The following SHCBP1L variants were observed in gnomAD, a reference collection of about 807,000 sequenced individuals.
SHCBP1L encodes the protein SHC binding and spindle associated 1 like, also known as testicular spindle-associated protein SHCBP1L.
In SHCBP1L, 67 loss-of-function variants were observed where a neutral mutation model predicts 62.5. That is an observed-to-expected ratio of 1.07 (90% CI 0.88 to 1.31). SHCBP1L has a LOEUF of 1.31. Ranked by LOEUF, SHCBP1L falls within the 40% of genes most tolerant of loss-of-function variation. SHCBP1L has a pLI of 0.00. For missense variants in SHCBP1L, 823 were observed against 809.8 expected (o/e 1.02, Z -0.20); for synonymous variants, 284 against 289.4 (o/e 0.98, Z 0.19).
Position 182,940,558 on chromosome 1 carries a change from A to G in SHCBP1L, c.556-15T>C, listed in dbSNP as rs775978150. 6.3e-6 allele frequency: 10 copies of G among 1,593,346 alleles called. No individual in the cohort carries two copies. The African/African-American group carries it at 1.1e-4, about 17-fold the overall frequency. On this transcript the variant is annotated splice_polypyrimidine_tract_variant and intron_variant, in intron 2 of 9. Coordinates refer to ENST00000367547, the MANE Select transcript of SHCBP1L (RefSeq NM_030933.4). ...TCACAAGTTACCTAAGATAAATATC[A>G]TAAGAGATAAGAGATATAGTTATAA...
At chr1:182,940,571 G>A (rs1326598269) in intron 2 of SHCBP1L, 28 bp from the exon 3 acceptor site, 1 of 1,578,186 alleles carries the variant, frequency 6.3e-7, no homozygotes, top group South Asian at 1.1e-5. Context: ...AGAGATAAGA[G>A]ATATAGTTAT....
chr1:182,945,928 C>T lies in SHCBP1L; in HGVS notation c.556-5385G>A, dbSNP rs537003374. 9.9e-5 allele frequency among the ~76,000 whole-genome samples: 15 copies of T among 151,996 alleles called. No individual in the cohort carries two copies. In the South Asian group the frequency reaches 1.9e-3, roughly 19 times the overall value. On this transcript the variant is annotated intron_variant, in intron 2 of 9. Transcript: ENST00000367547. The stretch of plus-strand genomic sequence containing the variant: ...TACAAAAATTAGCTGGGTATGGTGG[C>T]GCATGCCTGCAGTCTCAGCTACTCG...
chr1:182,945,581 C>A (rs1248382366), intron 2 of SHCBP1L, among the ~76,000 whole-genome samples: 5 of 152,156 alleles, frequency 3.3e-5, no homozygotes, highest in Non-Finnish European at 7.3e-5. Flanking sequence ...CTGTAGATGA[C>A]ATCCATTAAC....
intron 2 of SHCBP1L, 61 bp downstream of exon 2, chr1:182,951,257 A>G: frequency 1.6e-6 from 2 of 1,277,230 alleles, no homozygotes; most frequent in East Asian, 2.4e-5. Flanking sequence ...TAATAAAGTC[A>G]TATTTTAGTC....
intron 1 of SHCBP1L, 117 bp from the exon 2 acceptor site, chr1:182,951,584 A>G: frequency 4.7e-6 from 3 of 636,068 alleles, no homozygotes; most frequent in Non-Finnish European, 7.1e-6. Context: ...ATAGCCTTAA[A>G]TAATGAATGA....
Position 182,899,982 on chromosome 1 carries a change from TTTAAC to T in SHCBP1L, c.1958_1962del (p.Ser653LysfsTer5). The T allele has an allele frequency of 6.3e-7, 1 of 1,598,560 alleles. No homozygotes were observed. Among genetic ancestry groups the T allele is most frequent in the Non-Finnish European group, 8.5e-7 (1 of 1,173,340 alleles). The stretch of plus-strand genomic sequence containing the variant: ...AAAACTTTAACATCAATTCAGACGC[TTTAAC>T]TTGTGACTATTCTGATATCCCCCTT... On this transcript the variant is annotated frameshift_variant and stop_lost, in exon 10 of 10. Transcript: ENST00000367547. LOFTEE classifies it high-confidence loss of function.
At chr1:182,935,744 T>A (rs574967993) in intron 5 of SHCBP1L, among the ~76,000 whole-genome samples, 2 of 152,330 alleles carry the variant, frequency 1.3e-5, no homozygotes, top group East Asian at 3.9e-4. Context: ...AAACCCTTTA[T>A]CATCATGAAA....
intron 6 of SHCBP1L, among the ~76,000 whole-genome samples, chr1:182,917,022 G>A (rs1484078524): frequency 1.3e-5 from 2 of 151,676 alleles, no homozygotes; most frequent in Non-Finnish European, 2.9e-5. Context: ...AAATCTTCAC[G>A]TGTACCCCCA....
chr1:182,916,754 C>A (rs4631648), intron 6 of SHCBP1L, among the ~76,000 whole-genome samples: 6,093 of 152,176 alleles, frequency 0.04, 302 homozygotes, highest in African/African-American at 0.11. Context: ...AAGCAAAAAT[C>A]TCCCAACAAA....
intron 6 of SHCBP1L, among the ~76,000 whole-genome samples, chr1:182,925,852 A>C (rs1331396735): frequency 6.6e-6 from 1 of 152,248 alleles, no homozygotes; most frequent in Non-Finnish European, 1.5e-5. Context: ...TTGTATATAC[A>C]TACAAAAGGA....
rs191753799 is a variant in SHCBP1L, at chr1:182,926,823, G to T, written c.1182+2824C>A. Among the ~76,000 whole-genome samples, 47 of 151,948 alleles carry T rather than the reference G, an allele frequency of 3.1e-4. No individual in the cohort carries two copies. The Middle Eastern group carries it at 0.014, about 44-fold the overall frequency. Reference sequence around the variant, plus strand: ...GAAACAAGTGGTAAACATTTATTGAGCATTTACTATGTGCTGGGCATTATT... The same window carrying T: ...GAAACAAGTGGTAAACATTTATTGATCATTTACTATGTGCTGGGCATTATT... On this transcript the variant is annotated intron_variant, in intron 6 of 9. Transcript: ENST00000367547.
At chr1:182,952,622 C>A (rs902282001) in intron 1 of SHCBP1L, 107 bp downstream of exon 1, 4 of 1,336,816 alleles carry the variant, frequency 3.0e-6, no homozygotes, top group Non-Finnish European at 4.0e-6. Context: ...CGCAAGTTTT[C>A]GTTGTGCCCT....
intron 9 of SHCBP1L, 110 bp from the exon 10 acceptor site, chr1:182,900,344 A>G (rs984533044): frequency 2.1e-6 from 2 of 931,074 alleles, no homozygotes; most frequent in Non-Finnish European, 3.0e-6. Flanking sequence ...CAGATTTTTT[A>G]AAACAACCAA....
At chr1:182,940,965 C>G (rs541841663) in intron 2 of SHCBP1L, among the ~76,000 whole-genome samples, 60 of 152,014 alleles carry the variant, frequency 3.9e-4, no homozygotes, top group Non-Finnish European at 7.1e-4. Flanking sequence ...CATCCTCTTA[C>G]CTCAGCCTCC....
chr1:182,900,135 C>T lies in SHCBP1L; in HGVS notation c.1810G>A (p.Val604Ile), dbSNP rs757649009. The T allele has an allele frequency of 4.4e-5, 71 of 1,612,014 alleles. No individual in the cohort carries two copies. In the African/African-American group the frequency reaches 6.7e-4, roughly 15 times the overall value. ...ILQPMEQFFI[V>I]AEEALNKRAS... ...CTTTTGTTGAGAGCTTCTTCTGCTA[C>T]GATAAAAAACTGTTCCATTGGTTGA... The change falls in exon 10 of 10, where the codon GTA (valine) becomes ATA (isoleucine). Residue 604 changes from valine (V) to isoleucine (I), a missense_variant. Val to Ile is a conservative substitution (Grantham distance 29). Transcript: ENST00000367547.
chr1:182,900,971 C>G (rs1462435850), intron 9 of SHCBP1L, among the ~76,000 whole-genome samples: 2 of 152,166 alleles, frequency 1.3e-5, no homozygotes, highest in African/African-American at 4.8e-5. Flanking sequence ...TATGGCAATA[C>G]AACCCATGAA....
intron 6 of SHCBP1L, among the ~76,000 whole-genome samples, chr1:182,909,600 C>T (rs1423221038): frequency 2.6e-5 from 4 of 152,112 alleles, no homozygotes; most frequent in Admixed American, 2.6e-4. Flanking sequence ...ACCAAACACA[C>T]ATCAAAATAC....
chr1:182,906,652 G>A (rs774385723), intron 6 of SHCBP1L, among the ~76,000 whole-genome samples: 11 of 150,868 alleles, frequency 7.3e-5, no homozygotes, highest in South Asian at 2.1e-4. Flanking sequence ...GGTTGGTCTC[G>A]AACTCCTGAC....
intron 2 of SHCBP1L, among the ~76,000 whole-genome samples, chr1:182,941,949 A>T (rs1289290123): frequency 6.6e-6 from 1 of 152,232 alleles, no homozygotes. Flanking sequence ...AAGCATTTAC[A>T]CTTAAAAAAT....
Sources: allele counts gnomAD v4.1 joint callset (sites outside exome capture counted in the v4.1 genomes callset), GRCh38; gene constraint gnomAD v4.1.1; transcripts MANE v1.5; gene names NCBI Gene and HGNC (gene_info 2026-07-23, HGNC 2026-07-21).